The following FOXF2 variants were observed in gnomAD, a reference collection of about 807,000 sequenced individuals.
The protein encoded by FOXF2 is forkhead box F2.
In FOXF2, 15 loss-of-function variants were observed where a neutral mutation model predicts 29.1. The observed-to-expected ratio is 0.52, with a 90% CI of 0.35 to 0.79. The LOEUF (loss-of-function observed/expected upper bound fraction) is 0.79. Ranked by LOEUF, FOXF2 falls within the 30% of genes least tolerant of loss-of-function variation. The pLI, the probability that FOXF2 is intolerant of heterozygous loss-of-function variation, is 0.01. For synonymous variants in FOXF2, 337 were observed against 316.5 expected (o/e 1.06, Z -0.69); for missense variants, 675 against 667.1 (o/e 1.01, Z -0.13).
Position 1,394,821 on chromosome 6 carries a change from C to A in FOXF2, c.1297C>A (p.Gln433Lys), listed in dbSNP as rs960251606. 5 of 1,614,064 alleles carry A rather than the reference C, an allele frequency of 3.1e-6. No individual in the cohort carries two copies. In the African/African-American group the frequency reaches 5.3e-5, roughly 17 times the overall value. The change falls in exon 2 of 2, where the codon CAG (glutamine) becomes AAG (lysine). Residue 433 changes from glutamine (Q) to lysine (K), a missense_variant. Coordinates refer to ENST00000645481, the MANE Select transcript of FOXF2 (RefSeq NM_001452.2). ...ASGSYYHHHH[Q>K]SVCQDIKPCV... ...CGGGTCGTATTATCACCATCACCAC[C>A]AGAGCGTCTGTCAGGATATTAAGCC...
Position 1,389,860 on chromosome 6 carries a change from G to T in FOXF2, c.-88G>T. 1 of 326,332 alleles carries T rather than the reference G, an allele frequency of 3.1e-6. No homozygotes were observed. The highest frequency in any genetic ancestry group is 4.3e-6 in the Non-Finnish European group (1 of 229,968). The allele number at this position is 326,332 out of a possible 1,614,324, so 20.2% of individuals were successfully genotyped here. On this transcript the variant is annotated 5_prime_UTR_variant, in exon 1 of 2. Transcript: ENST00000645481. Reference sequence around the variant, plus strand: ...GCCCGGGCGGCGGGCTAGGGCGCTCGCAGGGCTTCTGGGCCGACCCCGCTC... The same window carrying T: ...GCCCGGGCGGCGGGCTAGGGCGCTCTCAGGGCTTCTGGGCCGACCCCGCTC...
At chr6:1,393,777 G>T (rs1188447854) in intron 1 of FOXF2, among the ~76,000 whole-genome samples, 1 of 152,240 alleles carries the variant, frequency 6.6e-6, no homozygotes, top group African/African-American at 2.4e-5. Context: ...GCCCGGTGCC[G>T]AGAGGGCCCG....
chr6:1,391,185 A>G, intron 1 of FOXF2, 67 bp downstream of exon 1: 9 of 1,579,628 alleles, frequency 5.7e-6, no homozygotes, highest in Non-Finnish European at 7.7e-6. Flanking sequence ...GCTGGCGGCC[A>G]CTGCCACTCC....
Position 1,390,100 on chromosome 6 carries a change from G to T in FOXF2, c.153G>T (p.Ser51=). ...APETTSSSSS[S]SSASCASSSS... ...AGACCACCTCCTCCTCCTCGTCGTC[G>T]TCCTCCGCCTCCTGCGCCTCGTCCT... is the stretch of plus-strand genomic sequence containing the variant. The change falls in exon 1 of 2, where the codon TCG becomes TCT. Residue 51 remains serine, a synonymous_variant. Coordinates refer to ENST00000645481, the MANE Select transcript of FOXF2 (RefSeq NM_001452.2). The surrounding 1 kb of genome is among the most constrained non-coding windows in gnomAD (Gnocchi z 8.5). 7.0e-7 allele frequency: 1 copy of T among 1,424,154 alleles called. No homozygotes were observed. Among genetic ancestry groups the T allele is most frequent in the Non-Finnish European group, 9.3e-7 (1 of 1,076,280 alleles). The allele number at this position is 1,424,154 out of a possible 1,614,324, so 88.2% of individuals were successfully genotyped here.
intron 1 of FOXF2, among the ~76,000 whole-genome samples, chr6:1,392,017 G>A (rs1010349180): frequency 6.6e-6 from 1 of 152,138 alleles, no homozygotes; most frequent in African/African-American, 2.4e-5. Context: ...CCCTCGCTCG[G>A]AGCACCTAGG....
rs1169000060 is a variant in FOXF2 at position 1,392,469 on chromosome 6, CACACACA to C, written c.1171+1352_1171+1358del. On this transcript the variant is annotated intron_variant, in intron 1 of 1. Transcript: ENST00000645481. ...ACACACACACACACACACACACACA[CACACACA>C]CCCCTCGGTGCACTGGCCCCTTCCC... Among the ~76,000 whole-genome samples, 113 of 150,974 alleles carry C rather than the reference CACACACA, an allele frequency of 7.5e-4. No homozygotes were observed. The East Asian group carries it at 0.012, about 16-fold the overall frequency.
At chr6:1,394,368 G>C (rs113373108) in intron 1 of FOXF2, among the ~76,000 whole-genome samples, 1 of 152,168 alleles carries the variant, frequency 6.6e-6, no homozygotes, top group East Asian at 1.9e-4. Flanking sequence ...CTAGTTGTCC[G>C]GTACCTGTGC....
Position 1,390,961 on chromosome 6 carries a change from G to T in FOXF2, c.1014G>T (p.Ala338=). Residue 338 remains alanine (A), a synonymous_variant, in exon 1 of 2, where the codon GCG becomes GCT. Coordinates refer to ENST00000645481, the MANE Select transcript of FOXF2 (RefSeq NM_001452.2). This position sits in a 1 kb window ranked among gnomAD's most constrained non-coding sequence, Gnocchi z 8.5. ...ECHSPYTSPA[A]HWSSPGASPY... ...ACTCGCCCTACACGAGCCCTGCGGC[G>T]CACTGGAGCTCGCCTGGCGCCTCGC... The T allele has an allele frequency of 6.3e-7, 1 of 1,592,120 alleles. No homozygotes were observed. Among genetic ancestry groups the T allele is most frequent in the South Asian group, 1.1e-5 (1 of 89,464 alleles).
Position 1,390,158 on chromosome 6 carries a change from G to T in FOXF2, c.211G>T (p.Ala71Ser). Residue 71 changes from alanine to serine, a missense_variant, in exon 1 of 2, where the codon GCT becomes TCT. By Grantham distance (99) the Ala-to-Ser change is moderately conservative. Around this residue, in one of 3 missense-constraint regions of FOXF2, gnomAD observed 220 missense variants for 205.5 expected, o/e 1.07. Transcript: ENST00000645481. The surrounding 1 kb of genome is among the most constrained non-coding windows in gnomAD (Gnocchi z 8.5). ...CTCCAATTCGGCCAGCGCCCCCTCG[G>T]CTGCCTGCAAGAGCGCGGGCGGCGG... Reference protein sequence around the residue: ...SSSNSASAPSAACKSAGGGGA... With the variant: ...SSSNSASAPSSACKSAGGGGA... 1.1e-5 allele frequency: 16 copies of T among 1,465,294 alleles called. No individual in the cohort carries two copies. The highest frequency in any genetic ancestry group is 1.5e-5 in the Non-Finnish European group (16 of 1,101,612). 90.8% of individuals were successfully genotyped at this position (1,465,294 alleles called of 1,614,324 possible).
intron 1 of FOXF2, among the ~76,000 whole-genome samples, chr6:1,393,906 G>A (rs1758848182): frequency 6.6e-6 from 1 of 152,188 alleles, no homozygotes; most frequent in Non-Finnish European, 1.5e-5. Context: ...AAGCGGCCCG[G>A]TGCAGGCCGG....
At chr6:1,393,746 C>T (rs1192876677) in intron 1 of FOXF2, among the ~76,000 whole-genome samples, 1 of 152,230 alleles carries the variant, frequency 6.6e-6, no homozygotes, top group Non-Finnish European at 1.5e-5. Flanking sequence ...AGAAAAGACC[C>T]GGGCGAATGG....
rs777376635 is a variant in FOXF2, at chr6:1,394,762, T to C, written c.1238T>C (p.Phe413Ser). 6.2e-7 allele frequency: 1 copy of C among 1,614,122 alleles called. No homozygotes were observed. Among genetic ancestry groups the C allele is most frequent in the South Asian group, 1.1e-5 (1 of 91,074 alleles). Residue 413 changes from phenylalanine to serine, a missense_variant, in exon 2 of 2, where the codon TTC (phenylalanine) becomes TCC (serine). This residue lies in a region of FOXF2 where 451 missense variants were observed against 437.2 expected (regional missense o/e 1.03). Coordinates refer to ENST00000645481, the MANE Select transcript of FOXF2 (RefSeq NM_001452.2). ...GACAGAAAAGATTTCGTCCTCAACT[T>C]CAATGGGATTTCTTCTTTCCATCCC... ...VCDRKDFVLN[F>S]NGISSFHPSA... is the part of the protein sequence containing the mutation.
chr6:1,389,732 G>T lies in FOXF2; in HGVS notation c.-216G>T, dbSNP rs1237575069. On this transcript the variant is annotated 5_prime_UTR_variant, in exon 1 of 2. Coordinates refer to ENST00000645481, the MANE Select transcript of FOXF2 (RefSeq NM_001452.2). ...GGGCCCGCGGCTCGGGGAGGGATGC[G>T]CCGGGCGTTGCCTCCCGCCCGCCGC... The T allele has an allele frequency of 2.0e-5, 3 of 151,814 alleles. No homozygotes were observed. The highest frequency in any genetic ancestry group is 4.4e-5 in the Non-Finnish European group (3 of 68,612). 9.4% of individuals were successfully genotyped at this position (151,814 alleles called of 1,614,324 possible).
In FOXF2 at chr6:1,390,184, CGGCGCGGGCGCCGGGAGCGGG is replaced by C. The variant is rs775706925; in HGVS notation, c.243_263del (p.Gly82_Ala88del). The C allele has an allele frequency of 1.3e-5, 19 of 1,469,718 alleles. 1 individual carries two copies. In the South Asian group the frequency reaches 1.4e-4, roughly 10 times the overall value. The allele number at this position is 1,469,718 out of a possible 1,614,324, so 91.0% of individuals were successfully genotyped here. On this transcript the variant is annotated inframe_deletion, in exon 1 of 2. Coordinates refer to ENST00000645481, the MANE Select transcript of FOXF2 (RefSeq NM_001452.2). This position sits in a 1 kb window ranked among gnomAD's most constrained non-coding sequence, Gnocchi z 8.5. ...CTGCCTGCAAGAGCGCGGGCGGCGG[CGGCGCGGGCGCCGGGAGCGGG>C]GGCGCCAAGAAGGCGAGCTCGGGGC...
chr6:1,390,078 C>A lies in FOXF2; in HGVS notation c.131C>A (p.Thr44Asn), dbSNP rs1758745255. The change falls in exon 1 of 2, where the codon ACC becomes AAC. Residue 44 changes from threonine (T) to asparagine (N), a missense_variant. Physicochemically the swap from Thr to Asn is moderately conservative, Grantham distance 65 (BLOSUM62 0). Coordinates refer to ENST00000645481, the MANE Select transcript of FOXF2 (RefSeq NM_001452.2). The surrounding 1 kb of genome is among the most constrained non-coding windows in gnomAD (Gnocchi z 8.5). ...AAAAAAAAPE[T>N]TSSSSSSSSA... Reference sequence around the variant, plus strand: ...GCCGCCGCCGCCGCCGCCCCGGAGACCACCTCCTCCTCCTCGTCGTCGTCC... The same window carrying A: ...GCCGCCGCCGCCGCCGCCCCGGAGAACACCTCCTCCTCCTCGTCGTCGTCC... 2 of 1,411,838 alleles carry A rather than the reference C, an allele frequency of 1.4e-6. No homozygotes were observed. The highest frequency in any genetic ancestry group is 2.5e-5 in the Admixed American group (1 of 40,256). 87.5% of individuals were successfully genotyped at this position (1,411,838 alleles called of 1,614,324 possible).
Position 1,390,241 on chromosome 6 carries a change from C to A in FOXF2, c.294C>A (p.Pro98=). Residue 98 remains proline, a synonymous_variant, in exon 1 of 2, where the codon CCC becomes CCA. Transcript: ENST00000645481. The surrounding 1 kb of genome is among the most constrained non-coding windows in gnomAD (Gnocchi z 8.5). ...AGGCGAGCTCGGGGCTGCGGCGGCC[C>A]GAGAAGCCGCCCTACTCGTACATCG... ...AKKASSGLRR[P]EKPPYSYIAL... The A allele has an allele frequency of 1.2e-6, 2 of 1,603,474 alleles. No homozygotes were observed. The highest frequency in any genetic ancestry group is 1.7e-6 in the Non-Finnish European group (2 of 1,176,988).
chr6:1,393,535 G>A (rs1279015275), intron 1 of FOXF2, among the ~76,000 whole-genome samples: 1 of 152,146 alleles, frequency 6.6e-6, no homozygotes, highest in African/African-American at 2.4e-5. Flanking sequence ...GGTGTGTTCG[G>A]GTAGGTGTTG....
rs1272619762 is a variant in FOXF2 at position 1,390,909 on chromosome 6, C to T, written c.962C>T (p.Pro321Leu). The T allele has an allele frequency of 6.5e-7, 1 of 1,542,028 alleles. No individual in the cohort carries two copies. Among genetic ancestry groups the T allele is most frequent in the Non-Finnish European group, 8.7e-7 (1 of 1,149,928 alleles). ...AGCAGCAGCCCGGTACCCTCGTCCC[C>T]GGCCATGGCGAGCGCCATCGAATGC... ...DSSSSPVPSS[P>L]AMASAIECHS... Residue 321 changes from proline (P) to leucine (L), a missense_variant, in exon 1 of 2, where the codon CCG (proline) becomes CTG (leucine). By Grantham distance (98) the Pro-to-Leu change is moderately conservative. Coordinates refer to ENST00000645481, the MANE Select transcript of FOXF2 (RefSeq NM_001452.2). The surrounding 1 kb of genome is among the most constrained non-coding windows in gnomAD (Gnocchi z 8.5).
rs775388948 is a variant in FOXF2 at position 1,390,296 on chromosome 6, C to T, written c.349C>T (p.Pro117Ser). 2.5e-6 allele frequency: 4 copies of T among 1,612,948 alleles called. No individual in the cohort carries two copies. The highest frequency in any genetic ancestry group is 3.4e-6 in the Non-Finnish European group (4 of 1,179,862). Residue 117 changes from proline (P) to serine (S), a missense_variant, in exon 1 of 2, where the codon CCC becomes TCC. Pro to Ser is a moderately conservative substitution (Grantham distance 74). Transcript: ENST00000645481. This position sits in a 1 kb window ranked among gnomAD's most constrained non-coding sequence, Gnocchi z 8.5. ...ALIVMAIQSS[P>S]SKRLTLSEIY... ...CATCGTCATGGCCATCCAGAGCTCG[C>T]CCAGCAAGCGCCTGACGCTCAGCGA...
Sources: gnomAD v4.1 joint callset for allele counts (sites outside exome capture counted in the v4.1 genomes callset) on GRCh38, gnomAD v4.1.1 for gene constraint, gnomAD v4.1.1 regional missense constraint, Gnocchi (gnomAD v3.1) non-coding constraint, MANE v1.5 for transcripts, NCBI Gene and HGNC (gene_info 2026-07-23, HGNC 2026-07-21) for gene names.